TSPAN15: variants seen among roughly 807,000 people sequenced by gnomAD.
The protein encoded by TSPAN15 is tetraspanin-15.
In TSPAN15, 20 loss-of-function variants were observed where a neutral mutation model predicts 34.5. The observed-to-expected ratio is 0.58, with a 90% CI of 0.41 to 0.84. The LOEUF (loss-of-function observed/expected upper bound fraction) is 0.84, where lower values mean the gene tolerates loss of function less well. Among genes scored for constraint, TSPAN15 ranks in the 40% least tolerant of loss-of-function variants. The probability of loss-of-function intolerance (pLI) is 0.00; values close to 1 mark genes in which losing one functional copy is unlikely to be tolerated. For missense variants in TSPAN15, 313 were observed against 386.1 expected (o/e 0.81, Z 1.59); for synonymous variants, 155 against 153.9 (o/e 1.01, Z -0.05).
Position 69,460,300 on chromosome 10 carries a change from G to A in TSPAN15, c.96+8610G>A, listed in dbSNP as rs555854382. On this transcript the variant is annotated intron_variant, in intron 1 of 7. Coordinates refer to ENST00000373290, the MANE Select transcript of TSPAN15 (RefSeq NM_012339.5). ...ACAGGCACGCGGGGCCAGGCAGGCCGTCTGAGAAGTGTCCTGCTAGGCTCT... is the reference window on the plus strand; with the variant it reads ...ACAGGCACGCGGGGCCAGGCAGGCCATCTGAGAAGTGTCCTGCTAGGCTCT... Among the ~76,000 whole-genome samples, 70 of 152,244 alleles carry A rather than the reference G, an allele frequency of 4.6e-4. 1 individual carries two copies. The highest frequency in any genetic ancestry group is 7.8e-4 in the East Asian group (4 of 5,138).
chr10:69,493,183 G>A (rs1181389806), intron 3 of TSPAN15, among the ~76,000 whole-genome samples: 2 of 152,224 alleles, frequency 1.3e-5, no homozygotes, highest in Admixed American at 1.3e-4. Flanking sequence ...TGTGACCTGG[G>A]GGCCTCTGGG....
chr10:69,519,156 C>G, the TSPAN15 span, among the ~76,000 whole-genome samples: 1 of 152,240 alleles, frequency 6.6e-6, no homozygotes, highest in South Asian at 2.1e-4. Flanking sequence ...GTGGCCCAGG[C>G]CTGTAATCCC....
the TSPAN15 span, among the ~76,000 whole-genome samples, chr10:69,535,999 G>A: frequency 6.6e-6 from 1 of 152,264 alleles, no homozygotes; most frequent in South Asian, 2.1e-4. Flanking sequence ...GAGCATCTTC[G>A]AACCTGAACT....
At chr10:69,463,208 G>A (rs1315454299) in intron 1 of TSPAN15, among the ~76,000 whole-genome samples, 2 of 152,206 alleles carry the variant, frequency 1.3e-5, no homozygotes, top group South Asian at 2.1e-4. Context: ...CTTGTGGGGT[G>A]GCCTGTGATA....
chr10:69,507,952 C>T (rs780078906), downstream of TSPAN15, among the ~76,000 whole-genome samples: 7 of 151,986 alleles, frequency 4.6e-5, no homozygotes, highest in Admixed American at 1.3e-4. Flanking sequence ...GCGGAGTTGC[C>T]CACAGGTCCA....
downstream of TSPAN15, among the ~76,000 whole-genome samples, chr10:69,510,060 G>A (rs1379175666): frequency 5.3e-5 from 8 of 152,066 alleles, no homozygotes; most frequent in East Asian, 5.8e-4. Flanking sequence ...TTGGCTATAC[G>A]GGCTCTTTTT....
At chr10:69,465,403 G>A (rs1020435458) in intron 1 of TSPAN15, among the ~76,000 whole-genome samples, 13 of 152,194 alleles carry the variant, frequency 8.5e-5, no homozygotes, top group Admixed American at 3.9e-4. Context: ...TTCTGGTGCC[G>A]GCCTCACATG....
Position 69,507,604 on chromosome 10 carries a change from T to C in TSPAN15, c.*626T>C, listed in dbSNP as rs1353539778. 1.5e-6 allele frequency: 2 copies of C among 1,303,974 alleles called. No individual in the cohort carries two copies. The highest frequency in any genetic ancestry group is 2.3e-5 in the Admixed American group (1 of 43,540). 80.8% of individuals were successfully genotyped at this position (1,303,974 alleles called of 1,614,324 possible). ...AGCTGGTATTTCCCCGCATGTCTTA[T>C]TCTTGCCCTTCCCCCAACCAGTTTG... On this transcript the variant is annotated 3_prime_UTR_variant, in exon 8 of 8. Coordinates refer to ENST00000373290, the MANE Select transcript of TSPAN15 (RefSeq NM_012339.5).
At chr10:69,457,150 A>G (rs1841130237) in intron 1 of TSPAN15, among the ~76,000 whole-genome samples, 1 of 152,230 alleles carries the variant, frequency 6.6e-6, no homozygotes, top group South Asian at 2.1e-4. Flanking sequence ...ATCCGTTTAC[A>G]GGACTGCTTT....
chr10:69,459,351 GC>G (rs1841193176), intron 1 of TSPAN15, among the ~76,000 whole-genome samples: 1 of 152,186 alleles, frequency 6.6e-6, no homozygotes, highest in Admixed American at 6.5e-5. Context: ...TTTAGTCCAG[GC>G]CTTGGAAGAC....
chr10:69,486,775 T>G (rs1841863006), intron 3 of TSPAN15, among the ~76,000 whole-genome samples: 1 of 152,226 alleles, frequency 6.6e-6, no homozygotes, highest in African/African-American at 2.4e-5. Flanking sequence ...TGCTGGGGCC[T>G]CCTGCAGTGG....
chr10:69,517,799 G>C, the TSPAN15 span, among the ~76,000 whole-genome samples: 1 of 152,296 alleles, frequency 6.6e-6, no homozygotes, highest in Middle Eastern at 3.4e-3. Context: ...AGGGGCCTGC[G>C]TGGGAGCCAG....
chr10:69,471,497 A>G (rs1841504465), intron 1 of TSPAN15, among the ~76,000 whole-genome samples: 1 of 152,118 alleles, frequency 6.6e-6, no homozygotes, highest in Admixed American at 6.5e-5. Flanking sequence ...TTTTGGGGGA[A>G]TTTTTTAAAT....
chr10:69,467,759 C>A (rs367938400), intron 1 of TSPAN15, among the ~76,000 whole-genome samples: 1 of 152,090 alleles, frequency 6.6e-6, no homozygotes, highest in African/African-American at 2.4e-5. Flanking sequence ...ACACCATTAT[C>A]ATGCCTAAGA....
chr10:69,511,552 T>G (rs1234196684), downstream of TSPAN15, among the ~76,000 whole-genome samples: 1 of 152,146 alleles, frequency 6.6e-6, no homozygotes, highest in Non-Finnish European at 1.5e-5. Context: ...TTTTGAAGGG[T>G]TTTTGTGTCT....
the TSPAN15 span, among the ~76,000 whole-genome samples, chr10:69,513,880 A>C: frequency 5.8e-4 from 88 of 152,360 alleles, no homozygotes; most frequent in African/African-American, 2.0e-3. Flanking sequence ...GTTGAAAAGC[A>C]ATTGTCCATG....
the TSPAN15 span, among the ~76,000 whole-genome samples, chr10:69,516,353 A>G: frequency 1.3e-5 from 2 of 152,210 alleles, no homozygotes; most frequent in Non-Finnish European, 2.9e-5. Context: ...TGAGTAGCTG[A>G]ATAGGATCAG....
chr10:69,493,235 T>A (rs1397563458), intron 3 of TSPAN15, among the ~76,000 whole-genome samples: 1 of 152,192 alleles, frequency 6.6e-6, no homozygotes, highest in Admixed American at 6.5e-5. Flanking sequence ...CTGCCCAGGC[T>A]GCTCGGCTGG....
At chr10:69,501,241 G>A (rs549382459) in intron 5 of TSPAN15, among the ~76,000 whole-genome samples, 1 of 152,270 alleles carries the variant, frequency 6.6e-6, no homozygotes, top group East Asian at 1.9e-4. Flanking sequence ...CTGGAGTTCT[G>A]GGAACGACTA....
Sources: allele counts gnomAD v4.1 joint callset (sites outside exome capture counted in the v4.1 genomes callset), GRCh38; gene constraint gnomAD v4.1.1; transcripts MANE v1.5; gene names NCBI Gene and HGNC (gene_info 2026-07-23, HGNC 2026-07-21).